The following NR1H3 variants were observed in gnomAD, a reference collection of about 807,000 sequenced individuals.
The protein encoded by NR1H3 is oxysterols receptor LXR-alpha.
NR1H3 carries 19 observed loss-of-function variants against 48.1 expected under a neutral mutation model. The observed-to-expected ratio is 0.40, with a 90% confidence interval of 0.28 to 0.58. The LOEUF (loss-of-function observed/expected upper bound fraction) is 0.58, where lower values mean the gene tolerates loss of function less well. Among genes scored for constraint, NR1H3 ranks in the 20% least tolerant of loss-of-function variants. The probability of loss-of-function intolerance (pLI) is 0.50; values close to 1 mark genes in which losing one functional copy is unlikely to be tolerated. For missense variants in NR1H3, 486 were observed against 595.9 expected, an observed-to-expected ratio of 0.82 and a Z score of 1.92; for synonymous variants, 232 against 227.3, an observed-to-expected ratio of 1.02 and a Z score of -0.19.
At chr11:47,248,675 C>A, upstream of NR1H3, 1 of 1,609,914 alleles carries the variant, frequency 6.2e-7, no homozygotes, top group Non-Finnish European at 8.5e-7. Context: ...TCTCTCATTA[C>A]CAAGGTAACG....
chr11:47,260,514 T>C lies in NR1H3; in HGVS notation c.338T>C (p.Leu113Pro). 3 of 1,614,286 alleles carry C rather than the reference T, an allele frequency of 1.9e-6. No individual in the cohort carries two copies. Among genetic ancestry groups the C allele is most frequent in the Non-Finnish European group, 2.5e-6 (3 of 1,180,056 alleles). ...DKASGFHYNV[L>P]SCEGCKGFFR... is the part of the protein sequence containing the mutation. ...GCCTCGGGCTTCCACTACAATGTTC[T>C]GAGCTGCGAGGGCTGCAAGGGATTC... Residue 113 changes from leucine (L) to proline (P), a missense_variant, in exon 4 of 10, where the codon CTG becomes CCG. Transcript: ENST00000441012.
upstream of NR1H3, among the ~76,000 whole-genome samples, chr11:47,254,956 A>T (rs866239141): frequency 6.6e-6 from 1 of 152,086 alleles, no homozygotes; most frequent in African/African-American, 2.4e-5. Context: ...CCGTCCTTCT[A>T]TGCTTTAATG....
chr11:47,249,594 G>A (rs1565171177), intron 1 of NR1H3, among the ~76,000 whole-genome samples: 1 of 152,264 alleles, frequency 6.6e-6, no homozygotes. Flanking sequence ...AGGGACAGGC[G>A]CATATCATAA....
intron 4 of NR1H3, 26 bp from the exon 5 acceptor site, chr11:47,261,215 T>G: frequency 1.7e-6 from 2 of 1,169,408 alleles, no homozygotes; most frequent in African/African-American, 1.9e-5. Context: ...ATCTGCTCCC[T>G]TCCTCATATT....
intron 1 of NR1H3, 191 bp from the exon 2 acceptor site, chr11:47,258,989 C>A: frequency 1.9e-6 from 2 of 1,074,554 alleles, no homozygotes; most frequent in Non-Finnish European, 2.5e-6. Flanking sequence ...CTAGCCTGGG[C>A]AAAATAGGGA....
upstream of NR1H3, among the ~76,000 whole-genome samples, chr11:47,255,619 T>TC (rs1565178937): frequency 0.014 from 1,147 of 82,862 alleles, 19 homozygotes; most frequent in African/African-American, 0.02. Context: ...CTCTCTCTCT[T>TC]TCTTTCTTTC....
chr11:47,253,555 C>T (rs560470189), upstream of NR1H3, among the ~76,000 whole-genome samples: 14 of 152,308 alleles, frequency 9.2e-5, no homozygotes, highest in Non-Finnish European at 1.8e-4. Context: ...CCTTCCAGAA[C>T]GGTGAAGGAG....
At position 47,268,895 on chromosome 11, in the gene NR1H3, G is replaced by A; in HGVS notation, c.*199G>A. ...GTGGAGCCCTCGCTAACACTGTGCT[G>A]TGTCTGAAGATCATGCTGACCCCAC... On this transcript the variant is annotated 3_prime_UTR_variant, in exon 10 of 10. Transcript: ENST00000441012. 1 of 633,420 alleles carries A rather than the reference G, an allele frequency of 1.6e-6. No homozygotes were observed. The highest frequency in any genetic ancestry group is 2.7e-6 in the Non-Finnish European group (1 of 374,618). 39.2% of individuals were successfully genotyped at this position (633,420 alleles called of 1,614,324 possible).
chr11:47,255,916 G>T (rs889739355), upstream of NR1H3, among the ~76,000 whole-genome samples: 4 of 151,622 alleles, frequency 2.6e-5, no homozygotes, highest in African/African-American at 9.7e-5. Flanking sequence ...TGATCCATCT[G>T]CCTTGGCCTC....
chr11:47,254,805 C>T (rs1284324197), upstream of NR1H3, among the ~76,000 whole-genome samples: 1 of 152,200 alleles, frequency 6.6e-6, no homozygotes, highest in African/African-American at 2.4e-5. Flanking sequence ...GGCTGCTCTT[C>T]TGCCTCAGCC....
Position 47,268,640 on chromosome 11 carries a change from C to T in NR1H3, c.1288C>T (p.Leu430=), listed in dbSNP as rs61896016. 18 of 1,614,186 alleles carry T rather than the reference C, an allele frequency of 1.1e-5. No individual in the cohort carries two copies. The highest frequency in any genetic ancestry group is 1.5e-5 in the Non-Finnish European group (18 of 1,180,024). ...VHSEQVFALR[L]QDKKLPPLLS... ...CTCAGAGCAAGTGTTTGCACTGCGT[C>T]TGCAGGACAAAAAGCTCCCACCGCT... The change falls in exon 10 of 10, where the codon CTG becomes TTG. Residue 430 remains leucine (L), a synonymous_variant. Coordinates refer to ENST00000441012, the MANE Select transcript of NR1H3 (RefSeq NM_005693.4).
chr11:47,262,378 A>C (rs1175351572), intron 7 of NR1H3, among the ~76,000 whole-genome samples: 3 of 151,576 alleles, frequency 2.0e-5, no homozygotes, highest in Non-Finnish European at 4.4e-5. Flanking sequence ...ACAACAACAA[A>C]AATTGAGATA....
At chr11:47,251,806 C>T (rs1396951525) in intron 1 of NR1H3, among the ~76,000 whole-genome samples, 2 of 152,114 alleles carry the variant, frequency 1.3e-5, no homozygotes, top group Non-Finnish European at 2.9e-5. Context: ...TTTTGCTTTT[C>T]TTCCCACTTG....
chr11:47,258,026 G>T lies in NR1H3; in HGVS notation c.-141G>T, dbSNP rs1425790516. The stretch of plus-strand genomic sequence containing the variant: ...GCTTGTGCTCAGCTCCAGCTCACTG[G>T]CTGGCCACCGAGACTTCTGGACAGG... On this transcript the variant is annotated 5_prime_UTR_variant, in exon 1 of 10. Coordinates refer to ENST00000441012, the MANE Select transcript of NR1H3 (RefSeq NM_005693.4). 3.0e-6 allele frequency: 3 copies of T among 985,254 alleles called. No homozygotes were observed. The highest frequency in any genetic ancestry group is 1.1e-4 in the East Asian group (1 of 8,780). The allele number at this position is 985,254 out of a possible 1,614,324, so 61.0% of individuals were successfully genotyped here.
At chr11:47,260,129 G>T in intron 3 of NR1H3, 150 bp downstream of exon 3, 1 of 827,240 alleles carries the variant, frequency 1.2e-6, no homozygotes. Context: ...ATCTAAGTGT[G>T]AATTTTGTCT....
At chr11:47,258,786 C>T in intron 1 of NR1H3, 1 of 183,556 alleles carries the variant, frequency 5.4e-6, no homozygotes, top group Admixed American at 5.4e-5. Context: ...CTGTGAATAG[C>T]ACTGAGTTCC....
rs114991516 is a variant in NR1H3, at chr11:47,249,124, C to T, written c.-93+125C>T. The T allele has an allele frequency of 4.5e-4, 418 of 923,814 alleles. 1 individual carries two copies. The African/African-American group carries it at 6.7e-3, about 15-fold the overall frequency. 57.2% of individuals were successfully genotyped at this position (923,814 alleles called of 1,614,324 possible). On this transcript the variant is annotated intron_variant, in intron 1 of 8. Transcript: ENST00000395397. ...AGGTGGCACTTGCAGTGGGCGGGAC[C>T]ATGTCTGGAGAACCAGCGTCCCCTC...
chr11:47,261,791 C>T, intron 6 of NR1H3, 65 bp downstream of exon 6: 14 of 1,610,870 alleles, frequency 8.7e-6, no homozygotes, highest in Non-Finnish European at 1.2e-5. Flanking sequence ...GAGGGGCCTC[C>T]AGACATCGAG....
chr11:47,259,309 G>T (rs193217479), intron 2 of NR1H3, 50 bp downstream of exon 2: 4 of 1,612,566 alleles, frequency 2.5e-6, no homozygotes, highest in Admixed American at 3.3e-5. Flanking sequence ...CAGGCTCCAC[G>T]CCTCCTGTAG....
Sources: gnomAD v4.1 joint callset for allele counts (sites outside exome capture counted in the v4.1 genomes callset) on GRCh38, gnomAD v4.1.1 for gene constraint, MANE v1.5 for transcripts, NCBI Gene and HGNC (gene_info 2026-07-23, HGNC 2026-07-21) for gene names.